The following IGSF21 variants were observed in gnomAD, a reference collection of about 807,000 sequenced individuals.
IGSF21 encodes immunoglobin superfamily member 21, also known as immunoglobulin superfamily member 21.
Under a neutral mutation model 46.8 loss-of-function variants are expected in IGSF21, and 28 were observed. The observed-to-expected ratio is 0.60, with a 90% CI of 0.44 to 0.82. IGSF21 has a LOEUF of 0.82. Ranked by LOEUF, IGSF21 falls within the 40% of genes least tolerant of loss-of-function variation. The pLI is 0.00. For synonymous variants in IGSF21, 284 were observed against 273.6 expected (o/e 1.04, Z -0.38); for missense variants, 624 against 665.5 (o/e 0.94, Z 0.69).
intron 6 of IGSF21, among the ~76,000 whole-genome samples, chr1:18,370,825 A>T (rs1227649590): frequency 6.6e-6 from 1 of 152,216 alleles, no homozygotes; most frequent in Non-Finnish European, 1.5e-5. Context: ...GTAAAAACCT[A>T]CACTACATTA....
Position 18,109,192 on chromosome 1 carries a change from G to T in IGSF21, c.70+994G>T, listed in dbSNP as rs752769716. Among the ~76,000 whole-genome samples the T allele has an allele frequency of 2.0e-5, 3 of 151,978 alleles. No individual in the cohort carries two copies. The highest frequency in any genetic ancestry group is 4.4e-5 in the Non-Finnish European group (3 of 68,002). On this transcript the variant is annotated intron_variant, in intron 1 of 9. Coordinates refer to ENST00000251296, the MANE Select transcript of IGSF21 (RefSeq NM_032880.5). This position sits in a 1 kb window ranked among gnomAD's most constrained non-coding sequence, Gnocchi z 4.8. Reference sequence around the variant, plus strand: ...ATGGAGCTGAACCCTTTCGCGCAGTGAGCAGAGAGCCAACGTGAGGCTAAA... The same window carrying T: ...ATGGAGCTGAACCCTTTCGCGCAGTTAGCAGAGAGCCAACGTGAGGCTAAA...
intron 2 of IGSF21, among the ~76,000 whole-genome samples, chr1:18,234,461 C>T (rs867141092): frequency 6.6e-6 from 1 of 152,210 alleles, no homozygotes; most frequent in African/African-American, 2.4e-5. Context: ...AGGTCTACTT[C>T]CATTGTAATC....
intron 2 of IGSF21, among the ~76,000 whole-genome samples, chr1:18,288,188 G>A (rs754641375): frequency 1.3e-5 from 2 of 152,140 alleles, no homozygotes; most frequent in Non-Finnish European, 2.9e-5. Context: ...GGGGATGGAG[G>A]AAATCAGCCT....
At chr1:18,207,332 T>C (rs2084338995) in intron 1 of IGSF21, among the ~76,000 whole-genome samples, 1 of 152,196 alleles carries the variant, frequency 6.6e-6, no homozygotes, top group African/African-American at 2.4e-5. Flanking sequence ...AAGGGTGTCA[T>C]GTAACATTAC....
intron 3 of IGSF21, among the ~76,000 whole-genome samples, chr1:18,308,478 A>G (rs766428812): frequency 4.6e-5 from 7 of 152,216 alleles, no homozygotes; most frequent in Non-Finnish European, 7.3e-5. Flanking sequence ...AGGTTTGCAG[A>G]GCACCTGTAC....
chr1:18,355,896 C>A (rs1284107523), intron 4 of IGSF21, among the ~76,000 whole-genome samples: 1 of 141,828 alleles, frequency 7.1e-6, no homozygotes, highest in South Asian at 2.2e-4. Context: ...AGTGCAATGG[C>A]ACAGTCTCGG....
Position 18,109,187 on chromosome 1 carries a change from G to A in IGSF21, c.70+989G>A, listed in dbSNP as rs761334485. On this transcript the variant is annotated intron_variant, in intron 1 of 9. Transcript: ENST00000251296. The surrounding 1 kb of genome is among the most constrained non-coding windows in gnomAD (Gnocchi z 4.8). ...CTTAAATGGAGCTGAACCCTTTCGC[G>A]CAGTGAGCAGAGAGCCAACGTGAGG... is the stretch of plus-strand genomic sequence containing the variant. 1.3e-5 allele frequency among the ~76,000 whole-genome samples: 2 copies of A among 152,064 alleles called. No homozygotes were observed. The highest frequency in any genetic ancestry group is 2.9e-5 in the Non-Finnish European group (2 of 67,990).
intron 3 of IGSF21, among the ~76,000 whole-genome samples, chr1:18,324,640 G>A (rs1038228121): frequency 1.3e-5 from 2 of 152,172 alleles, no homozygotes; most frequent in African/African-American, 4.8e-5. Context: ...GACTCTTCTG[G>A]GAGAGCTATT....
intron 1 of IGSF21, among the ~76,000 whole-genome samples, chr1:18,185,022 G>C (rs1003316177): frequency 3.3e-5 from 5 of 152,188 alleles, no homozygotes; most frequent in Non-Finnish European, 7.3e-5. Flanking sequence ...GTAGTATTTG[G>C]CACAATAGTA....
At chr1:18,276,333 G>C (rs992968429) in intron 2 of IGSF21, among the ~76,000 whole-genome samples, 1 of 152,132 alleles carries the variant, frequency 6.6e-6, no homozygotes, top group African/African-American at 2.4e-5. Context: ...TGGCTAGAAG[G>C]CTGGCTCAGC....
chr1:18,184,400 G>A (rs12085105), intron 1 of IGSF21, among the ~76,000 whole-genome samples: 8,001 of 152,168 alleles, frequency 0.053, 227 homozygotes, highest in African/African-American at 0.061. Flanking sequence ...GGGGTCCCCA[G>A]TCTCGGTCCT....
chr1:18,205,795 C>T (rs1330566657), intron 1 of IGSF21, among the ~76,000 whole-genome samples: 1 of 152,158 alleles, frequency 6.6e-6, no homozygotes, highest in African/African-American at 2.4e-5. Flanking sequence ...GTCAGGGATT[C>T]GTGAGAAAGA....
intron 4 of IGSF21, among the ~76,000 whole-genome samples, chr1:18,349,238 G>A (rs1023793051): frequency 3.9e-5 from 6 of 152,198 alleles, no homozygotes; most frequent in African/African-American, 1.4e-4. Flanking sequence ...TCTGAAGCCA[G>A]AGCTTGGCCT....
chr1:18,256,957 A>G (rs1439448948), intron 2 of IGSF21, among the ~76,000 whole-genome samples: 1 of 151,556 alleles, frequency 6.6e-6, no homozygotes, highest in Non-Finnish European at 1.5e-5. Context: ...GAACTGGCTG[A>G]CTCTCTCCAT....
intron 2 of IGSF21, among the ~76,000 whole-genome samples, chr1:18,257,380 T>G (rs1569649552): frequency 1.3e-5 from 2 of 152,190 alleles, no homozygotes; most frequent in African/African-American, 4.8e-5. Context: ...TGAAAGCCCC[T>G]TGTAATGGCA....
chr1:18,160,219 C>G (rs1180942348), intron 1 of IGSF21, among the ~76,000 whole-genome samples: 1 of 152,224 alleles, frequency 6.6e-6, no homozygotes, highest in Non-Finnish European at 1.5e-5. Flanking sequence ...AAAAGCCTCA[C>G]TGGTCTCACT....
chr1:18,332,041 C>G (rs2085718330), intron 3 of IGSF21, among the ~76,000 whole-genome samples: 1 of 152,174 alleles, frequency 6.6e-6, no homozygotes, highest in East Asian at 1.9e-4. Context: ...TTTCATAAAG[C>G]AGCAATCCCG....
intron 1 of IGSF21, among the ~76,000 whole-genome samples, chr1:18,129,165 C>A (rs543654965): frequency 1.3e-5 from 2 of 152,080 alleles, no homozygotes; most frequent in African/African-American, 4.8e-5. Flanking sequence ...AGCAGTATAG[C>A]GTTATGGGGA....
At chr1:18,117,228 C>T (rs1393632661) in intron 1 of IGSF21, among the ~76,000 whole-genome samples, 1 of 152,196 alleles carries the variant, frequency 6.6e-6, no homozygotes, top group African/African-American at 2.4e-5. Context: ...TTGGAGATGG[C>T]CCACTTCTCC....
Sources: allele counts gnomAD v4.1 joint callset (sites outside exome capture counted in the v4.1 genomes callset), GRCh38; gene constraint gnomAD v4.1.1; non-coding constraint Gnocchi (gnomAD v3.1); transcripts MANE v1.5; gene names NCBI Gene and HGNC (gene_info 2026-07-23, HGNC 2026-07-21).